ATP1A1: variants seen among roughly 807,000 people sequenced by gnomAD.
ATP1A1 encodes sodium/potassium-transporting ATPase subunit alpha-1.
A neutral mutation model predicts 114.8 loss-of-function variants in ATP1A1; 14 were observed. That is an observed-to-expected ratio of 0.12 (90% CI 0.08 to 0.19). ATP1A1 has a LOEUF of 0.19. ATP1A1 is among the 10% of genes least tolerant of loss of function. The pLI is 1.00. For synonymous variants in ATP1A1, 471 were observed against 466.3 expected (o/e 1.01, Z -0.13); for missense variants, 524 against 1,290.7 (o/e 0.41, Z 9.10).
chr1:116,400,559 T>G (rs996815609), intron 18 of ATP1A1, among the ~76,000 whole-genome samples: 2 of 152,212 alleles, frequency 1.3e-5, no homozygotes, highest in African/African-American at 4.8e-5. Flanking sequence ...GTCATACCCT[T>G]AGAAGCAGCT....
At position 116,389,060 on chromosome 1, in the gene ATP1A1, C is replaced by T; in HGVS notation, c.754+41C>T. ...GCACTTTGAGCATGGCGTGGTATTTCTCTTGGGCATTAACAAAATCAAAAC... is the reference window on the plus strand; with the variant it reads ...GCACTTTGAGCATGGCGTGGTATTTTTCTTGGGCATTAACAAAATCAAAAC... On this transcript the variant is annotated intron_variant, in intron 7 of 22. Coordinates refer to ENST00000295598, the MANE Select transcript of ATP1A1 (RefSeq NM_000701.8). This position sits in a 1 kb window ranked among gnomAD's most constrained non-coding sequence, Gnocchi z 6.9. 5.9e-6 allele frequency: 9 copies of T among 1,532,140 alleles called. No homozygotes were observed. The highest frequency in any genetic ancestry group is 8.1e-6 in the Non-Finnish European group (9 of 1,109,290). The allele number at this position is 1,532,140 out of a possible 1,614,324, so 94.9% of individuals were successfully genotyped here.
chr1:116,403,012 G>T (rs1289945071), intron 21 of ATP1A1, among the ~76,000 whole-genome samples: 1 of 152,208 alleles, frequency 6.6e-6, no homozygotes, highest in Non-Finnish European at 1.5e-5. Flanking sequence ...AGAGGTCACA[G>T]AGCTTTCCAA....
At chr1:116,375,654 TTGTG>T (rs1471325671) in intron 1 of ATP1A1, among the ~76,000 whole-genome samples, 1 of 152,292 alleles carries the variant, frequency 6.6e-6, no homozygotes, top group African/African-American at 2.4e-5. Context: ...ATTAGTTTAC[TTGTG>T]TGTGTGTTTG....
chr1:116,383,636 T>C (rs1170505945), intron 1 of ATP1A1: 1 of 185,260 alleles, frequency 5.4e-6, no homozygotes, highest in African/African-American at 2.4e-5. Flanking sequence ...CACTCTAAGT[T>C]AATAATGTAA....
rs939187658 is a variant in ATP1A1 at position 116,373,268 on chromosome 1, C to T, written c.-244C>T. 3 of 385,780 alleles carry T rather than the reference C, an allele frequency of 7.8e-6. No individual in the cohort carries two copies. The highest frequency in any genetic ancestry group is 4.7e-5 in the Admixed American group (1 of 21,392). 23.9% of individuals were successfully genotyped at this position (385,780 alleles called of 1,614,324 possible). ...TGGAGCTGCGGCGGGGTCTGGGGCG[C>T]AGAGCAGCGGCGGGAGGAGGCGGAC... is the stretch of plus-strand genomic sequence containing the variant. On this transcript the variant is annotated 5_prime_UTR_variant, in exon 1 of 23. Coordinates refer to ENST00000295598, the MANE Select transcript of ATP1A1 (RefSeq NM_000701.8).
chr1:116,391,050 G>T (rs1166485500), intron 10 of ATP1A1, among the ~76,000 whole-genome samples, 159 bp downstream of exon 10: 3 of 152,194 alleles, frequency 2.0e-5, no homozygotes, highest in African/African-American at 7.2e-5. Flanking sequence ...AACTTACATT[G>T]TGTTGCCTGT....
chr1:116,375,475 C>T (rs1055461254), intron 1 of ATP1A1, among the ~76,000 whole-genome samples: 3 of 152,184 alleles, frequency 2.0e-5, no homozygotes, highest in Admixed American at 6.5e-5. Flanking sequence ...AGTAGTGATG[C>T]GGTGGTAACC....
intron 1 of ATP1A1, among the ~76,000 whole-genome samples, chr1:116,376,489 A>T (rs1272077713): frequency 6.6e-6 from 1 of 152,212 alleles, no homozygotes; most frequent in African/African-American, 2.4e-5. Context: ...TTACAGGAAG[A>T]ACTAGTGCCT....
chr1:116,392,929 A>G lies in ATP1A1; in HGVS notation c.1408A>G (p.Met470Val). 3 of 1,614,106 alleles carry G rather than the reference A, an allele frequency of 1.9e-6. No homozygotes were observed. Among genetic ancestry groups the G allele is most frequent in the Non-Finnish European group, 2.5e-6 (3 of 1,180,018 alleles). ...GCTGTGCTGTGGTTCCGTGAAGGAG[A>G]TGAGAGAAAGATACGCCAAAATCGT... is the stretch of plus-strand genomic sequence containing the variant. ...IELCCGSVKE[M>V]RERYAKIVEI... The change falls in exon 11 of 23, where the codon ATG (methionine) becomes GTG (valine). Residue 470 changes from methionine to valine, a missense_variant. Met to Val is a conservative substitution (Grantham distance 21, BLOSUM62 1). Transcript: ENST00000295598.
rs111864296 is a variant in ATP1A1, at chr1:116,389,761, A to G, written c.1023+54A>G. 1.1e-3 allele frequency: 1,828 copies of G among 1,603,410 alleles called. 31 individuals are homozygous for G. In the African/African-American group the frequency reaches 0.022, roughly 19 times the overall value. ...TCAGATCAGCTTGCACGAATGTTAC[A>G]CTCTTCCGCTATCCTATTCTAAGGT... On this transcript the variant is annotated intron_variant, in intron 8 of 22. Transcript: ENST00000295598. This position sits in a 1 kb window ranked among gnomAD's most constrained non-coding sequence, Gnocchi z 6.9.
chr1:116,394,506 A>G (rs1469363448), intron 12 of ATP1A1, among the ~76,000 whole-genome samples: 1 of 152,014 alleles, frequency 6.6e-6, no homozygotes, highest in Admixed American at 6.6e-5. Flanking sequence ...TTGAGTCCAC[A>G]TGGCACGTTA....
chr1:116,388,695 G>T lies in ATP1A1; in HGVS notation c.559G>T (p.Val187Phe). 6.2e-7 allele frequency: 1 copy of T among 1,614,196 alleles called. No homozygotes were observed. The highest frequency in any genetic ancestry group is 8.5e-7 in the Non-Finnish European group (1 of 1,180,046). The change falls in exon 6 of 23, where the codon GTT becomes TTT. Residue 187 changes from valine to phenylalanine, a missense_variant. Physicochemically the swap from Val to Phe is conservative, Grantham distance 50 (BLOSUM62 -1). Coordinates refer to ENST00000295598, the MANE Select transcript of ATP1A1 (RefSeq NM_000701.8). This position sits in a 1 kb window ranked among gnomAD's most constrained non-coding sequence, Gnocchi z 5.6. ...GAGCATAAATGCGGAGGAAGTTGTG[G>T]TTGGGGATCTGGTGGAAGTAAAAGG... The part of the protein sequence containing the change: ...KMSINAEEVV[V>F]GDLVEVKGGD...
chr1:116,373,873 G>C, intron 1 of ATP1A1: 1 of 1,270,274 alleles, frequency 7.9e-7, no homozygotes, highest in Non-Finnish European at 9.9e-7. Flanking sequence ...TTGCAGCAGC[G>C]GGGGCGGCCC....
At chr1:116,390,469 C>G (rs1184917571) in intron 9 of ATP1A1, 58 bp downstream of exon 9, 2 of 1,446,368 alleles carry the variant, frequency 1.4e-6, no homozygotes, top group Non-Finnish European at 1.9e-6. Context: ...GGTTTTTTTT[C>G]TTTTAAGAAA....
chr1:116,379,133 C>A (rs1651571738), intron 1 of ATP1A1, among the ~76,000 whole-genome samples: 1 of 152,156 alleles, frequency 6.6e-6, no homozygotes, highest in Non-Finnish European at 1.5e-5. Flanking sequence ...AATTGACATG[C>A]AGGCAGATTG....
chr1:116,383,320 A>T (rs1170083250), intron 1 of ATP1A1: 1 of 1,075,536 alleles, frequency 9.3e-7, no homozygotes, highest in African/African-American at 1.7e-5. Context: ...TAATATGGGA[A>T]GCTGGTAAAG....
chr1:116,396,584 CTT>C lies in ATP1A1; in HGVS notation c.1837-13_1837-12del. Reference sequence around the variant, plus strand: ...TTGGCAGTTGCATTCAACACATTGTCTTGTTTATTACAGGTCATCATGGTCAC... The same window carrying C: ...TTGGCAGTTGCATTCAACACATTGTCGTTTATTACAGGTCATCATGGTCAC... On this transcript the variant is annotated splice_polypyrimidine_tract_variant and intron_variant, in intron 13 of 22. Transcript: ENST00000295598. The C allele has an allele frequency of 6.2e-7, 1 of 1,612,910 alleles. No homozygotes were observed.
Position 116,399,945 on chromosome 1 carries a change from G to C in ATP1A1, c.2572+402G>C, listed in dbSNP as rs1342806069. On this transcript the variant is annotated intron_variant, in intron 18 of 22. Transcript: ENST00000295598. The surrounding 1 kb of genome is among the most constrained non-coding windows in gnomAD (Gnocchi z 5.0). ...CACTTGGATGGAGTTAGGCATTGGA[G>C]AAAGTATATGTGTTTGAGAGTTTGG... Among the ~76,000 whole-genome samples the C allele has an allele frequency of 6.6e-6, 1 of 152,206 alleles. No individual in the cohort carries two copies. The highest frequency in any genetic ancestry group is 1.5e-5 in the Non-Finnish European group (1 of 68,030).
rs747627862 is a variant in ATP1A1 at position 116,388,704 on chromosome 1, C to G, written c.568C>G (p.Leu190Val). ...INAEEVVVGD[L>V]VEVKGGDRIP... ...TGCGGAGGAAGTTGTGGTTGGGGAT[C>G]TGGTGGAAGTAAAAGGAGGAGACCG... Residue 190 changes from leucine to valine, a missense_variant, in exon 6 of 23, where the codon CTG (leucine) becomes GTG (valine). By Grantham distance (32) the Leu-to-Val change is conservative. Coordinates refer to ENST00000295598, the MANE Select transcript of ATP1A1 (RefSeq NM_000701.8). The surrounding 1 kb of genome is among the most constrained non-coding windows in gnomAD (Gnocchi z 5.6). 24 of 1,614,024 alleles carry G rather than the reference C, an allele frequency of 1.5e-5. No homozygotes were observed. Among genetic ancestry groups the G allele is most frequent in the Non-Finnish European group, 1.9e-5 (23 of 1,180,036 alleles).
Sources: gnomAD v4.1 joint callset for allele counts (sites outside exome capture counted in the v4.1 genomes callset) on GRCh38, gnomAD v4.1.1 for gene constraint, Gnocchi (gnomAD v3.1) non-coding constraint, MANE v1.5 for transcripts, NCBI Gene and HGNC (gene_info 2026-07-23, HGNC 2026-07-21) for gene names.